INPP4B: variants seen among roughly 807,000 people sequenced by gnomAD.
INPP4B encodes inositol polyphosphate-4-phosphatase type II B, also known as inositol polyphosphate 4-phosphatase type II.
In INPP4B, 55 loss-of-function variants were observed where a neutral mutation model predicts 122.5. That is an observed-to-expected ratio of 0.45 (90% CI 0.36 to 0.56). INPP4B has a LOEUF of 0.56. Ranked by LOEUF, INPP4B falls within the 20% of genes least tolerant of loss-of-function variation. The pLI is 0.00. For missense variants in INPP4B, 1,000 were observed against 1,097.7 expected (o/e 0.91, Z 1.26); for synonymous variants, 403 against 388.7 (o/e 1.04, Z -0.43).
chr4:142,306,727 G>A (rs184142534), intron 8 of INPP4B, among the ~76,000 whole-genome samples: 78 of 152,250 alleles, frequency 5.1e-4, no homozygotes, highest in South Asian at 1.2e-3. Flanking sequence ...CACGCTGGTC[G>A]TGGTGGCTCA....
chr4:142,334,754 G>A (rs892438120), intron 7 of INPP4B, among the ~76,000 whole-genome samples: 8 of 152,072 alleles, frequency 5.3e-5, no homozygotes, highest in African/African-American at 1.9e-4. Context: ...GTCTTCTTTG[G>A]ATAAATGTCT....
intron 2 of INPP4B, among the ~76,000 whole-genome samples, chr4:142,546,004 GT>G (rs1829606913): frequency 6.6e-6 from 1 of 151,854 alleles, no homozygotes; most frequent in Admixed American, 6.6e-5. Context: ...TGTCATGGGT[GT>G]TTTTTGTATA....
In INPP4B at chr4:142,480,667, T is replaced by C. The variant is rs546520768; in HGVS notation, c.-190-17941A>G. 9.2e-5 allele frequency among the ~76,000 whole-genome samples: 14 copies of C among 152,238 alleles called. No homozygotes were observed. In the South Asian group the frequency reaches 2.9e-3, roughly 32 times the overall value. ...GCATTTCTCCATACAAATTCTAGTA[T>C]CTAAATAATGAAGTGGGTAAAGCGA... On this transcript the variant is annotated intron_variant, in intron 2 of 25. Coordinates refer to ENST00000262992, the MANE Select transcript of INPP4B (RefSeq NM_001101669.3).
chr4:142,821,788 T>A (rs527312615), intron 1 of INPP4B, among the ~76,000 whole-genome samples: 1 of 152,170 alleles, frequency 6.6e-6, no homozygotes, highest in African/African-American at 2.4e-5. Flanking sequence ...CAAACACTAG[T>A]CTGACCGTTA....
intron 2 of INPP4B, among the ~76,000 whole-genome samples, chr4:142,642,738 CTTGGTGATGCGGGCTCTTTT>C (rs1483983804): frequency 6.6e-6 from 1 of 152,152 alleles, no homozygotes; most frequent in Non-Finnish European, 1.5e-5. Context: ...TTAGGATTGA[CTTGGTGATGCGGGCTCTTTT>C]TTGGTTCTAT....
intron 7 of INPP4B, among the ~76,000 whole-genome samples, chr4:142,383,563 A>G (rs1794933607): frequency 6.6e-6 from 1 of 152,168 alleles, no homozygotes; most frequent in South Asian, 2.1e-4. Flanking sequence ...CAATAGGCTC[A>G]AAGTAGATCT....
intron 2 of INPP4B, among the ~76,000 whole-genome samples, chr4:142,618,391 C>A (rs946209238): frequency 1.3e-5 from 2 of 151,902 alleles, no homozygotes; most frequent in Admixed American, 1.3e-4. Flanking sequence ...ACATATGGAC[C>A]AATGGAACAG....
chr4:142,191,038 C>T (rs1835575082), intron 15 of INPP4B, among the ~76,000 whole-genome samples: 1 of 152,084 alleles, frequency 6.6e-6, no homozygotes, highest in Non-Finnish European at 1.5e-5. Context: ...ATTAAGTCAA[C>T]TCTCAAGACT....
At chr4:142,275,929 T>C (rs1172749942) in intron 9 of INPP4B, among the ~76,000 whole-genome samples, 1 of 151,786 alleles carries the variant, frequency 6.6e-6, no homozygotes, top group Non-Finnish European at 1.5e-5. Flanking sequence ...CAAATTCCCT[T>C]TATTCTGATC....
chr4:142,194,255 T>A (rs1837249424), intron 14 of INPP4B, among the ~76,000 whole-genome samples: 3 of 152,146 alleles, frequency 2.0e-5, no homozygotes, highest in African/African-American at 7.2e-5. Flanking sequence ...CAATAAGGCA[T>A]ACAATGAAAA....
intron 2 of INPP4B, among the ~76,000 whole-genome samples, chr4:142,480,513 G>A (rs955643912): frequency 6.6e-6 from 1 of 152,132 alleles, no homozygotes; most frequent in Non-Finnish European, 1.5e-5. Flanking sequence ...CTGGGTGCAA[G>A]GTAGTCTGAG....
At chr4:142,228,183 C>T (rs1218291392) in intron 12 of INPP4B, among the ~76,000 whole-genome samples, 2 of 151,730 alleles carry the variant, frequency 1.3e-5, no homozygotes, top group Non-Finnish European at 2.9e-5. Context: ...ATAAAAGCAG[C>T]ATGCAGTCCA....
intron 25 of INPP4B, among the ~76,000 whole-genome samples, chr4:142,043,480 G>A (rs1208027953): frequency 1.3e-5 from 2 of 152,102 alleles, no homozygotes; most frequent in African/African-American, 4.8e-5. Context: ...AGAATGTTGT[G>A]ATGTATAGTG....
At chr4:142,835,913 A>T (rs1298958854) in intron 1 of INPP4B, among the ~76,000 whole-genome samples, 1 of 152,194 alleles carries the variant, frequency 6.6e-6, no homozygotes, top group Non-Finnish European at 1.5e-5. Flanking sequence ...CATTAGGCCA[A>T]ACGTGAACAT....
At chr4:142,747,608 C>T (rs1285334591) in intron 1 of INPP4B, among the ~76,000 whole-genome samples, 1 of 152,124 alleles carries the variant, frequency 6.6e-6, no homozygotes, top group Non-Finnish European at 1.5e-5. Flanking sequence ...ATAGCTAAGA[C>T]TTGGAATCAA....
At chr4:142,545,034 A>G (rs975101392) in intron 2 of INPP4B, among the ~76,000 whole-genome samples, 1 of 152,210 alleles carries the variant, frequency 6.6e-6, no homozygotes, top group African/African-American at 2.4e-5. Context: ...GTTCACACAA[A>G]TCTACATTTT....
intron 7 of INPP4B, among the ~76,000 whole-genome samples, chr4:142,339,256 A>C (rs868423451): frequency 6.6e-6 from 1 of 152,172 alleles, no homozygotes; most frequent in South Asian, 2.1e-4. Flanking sequence ...CTAATTTGCA[A>C]GTGCCGTCTG....
chr4:142,824,296 T>TTATCTATCTATC (rs369651255), intron 1 of INPP4B, among the ~76,000 whole-genome samples: 89 of 150,658 alleles, frequency 5.9e-4, no homozygotes, highest in African/African-American at 1.9e-3. Context: ...TACCTATCTA[T>TTATCTATCTATC]TATCTATCTG....
intron 14 of INPP4B, among the ~76,000 whole-genome samples, chr4:142,200,355 A>G (rs1160097861): frequency 2.0e-5 from 3 of 151,946 alleles, no homozygotes; most frequent in Non-Finnish European, 4.4e-5. Flanking sequence ...CCAGCCCTGC[A>G]ATCAACCAAC....
Sources: allele counts gnomAD v4.1 joint callset (sites outside exome capture counted in the v4.1 genomes callset), GRCh38; gene constraint gnomAD v4.1.1; transcripts MANE v1.5; gene names NCBI Gene and HGNC (gene_info 2026-07-23, HGNC 2026-07-21).